The following IL1R1 variants were observed in gnomAD, a reference collection of about 807,000 sequenced individuals.
The protein encoded by IL1R1 is interleukin-1 receptor type 1.
In IL1R1, 22 loss-of-function variants were observed where a neutral mutation model predicts 50.2. That is an observed-to-expected ratio of 0.44 (90% CI 0.31 to 0.63). IL1R1 has a LOEUF of 0.63. Ranked by LOEUF, IL1R1 falls within the 20% of genes least tolerant of loss-of-function variation. The probability of loss-of-function intolerance (pLI) is 0.07; values close to 1 mark genes in which losing one functional copy is unlikely to be tolerated. For missense variants in IL1R1, 509 were observed against 676.2 expected (o/e 0.75, Z 2.74); for synonymous variants, 251 against 236.7 (o/e 1.06, Z -0.55).
rs201216211 is a variant in IL1R1 at position 102,168,711 on chromosome 2, A to T, written c.721+48A>T. 801 of 1,153,946 alleles carry T rather than the reference A, an allele frequency of 6.9e-4. 4 individuals carry two copies. Among genetic ancestry groups the T allele is most frequent in the East Asian group, 6.0e-3 (234 of 38,808 alleles). 71.5% of individuals were successfully genotyped at this position (1,153,946 alleles called of 1,614,324 possible). Reference sequence around the variant, plus strand: ...ATGCTGGAATCGGTTTTTTTTTTTTAAAACATAAGAGTAAGATAAATTGTA... The same window carrying T: ...ATGCTGGAATCGGTTTTTTTTTTTTTAAACATAAGAGTAAGATAAATTGTA... On this transcript the variant is annotated intron_variant, in intron 7 of 11. Transcript: ENST00000410023.
chr2:102,105,554 T>C (rs1006978987), intron 1 of IL1R1, among the ~76,000 whole-genome samples: 1 of 152,032 alleles, frequency 6.6e-6, no homozygotes, highest in Non-Finnish European at 1.5e-5. Flanking sequence ...TTAGTAGAGA[T>C]GGGTTTTCAC....
chr2:102,177,136 C>T lies in IL1R1; in HGVS notation c.*377C>T. On this transcript the variant is annotated 3_prime_UTR_variant, in exon 12 of 12. Transcript: ENST00000410023. ...CAAAAATGAGCTAGGCATGGTGGCACACGCCTGTAATCCCAGCTACACCTG... is the reference window on the plus strand; with the variant it reads ...CAAAAATGAGCTAGGCATGGTGGCATACGCCTGTAATCCCAGCTACACCTG... The T allele has an allele frequency of 4.6e-6, 1 of 217,818 alleles. No homozygotes were observed. The highest frequency in any genetic ancestry group is 9.5e-6 in the Non-Finnish European group (1 of 105,730). The allele number at this position is 217,818 out of a possible 1,614,324, so 13.5% of individuals were successfully genotyped here.
intron 1 of IL1R1, among the ~76,000 whole-genome samples, chr2:102,079,850 A>G (rs964525651): frequency 1.4e-4 from 22 of 152,192 alleles, no homozygotes; most frequent in African/African-American, 5.3e-4. Flanking sequence ...CTACAAAGCA[A>G]CGGTATCCAA....
At chr2:102,156,950 G>A in intron 2 of IL1R1, among the ~76,000 whole-genome samples, 1 of 152,100 alleles carries the variant, frequency 6.6e-6, no homozygotes, top group East Asian at 1.9e-4. Flanking sequence ...TAAGAATATA[G>A]GCAAATTTAA....
chr2:102,117,125 G>A (rs12712129), intron 1 of IL1R1, among the ~76,000 whole-genome samples: 35,643 of 152,086 alleles, frequency 0.23, 6,293 homozygotes, highest in African/African-American at 0.49. Flanking sequence ...TCATCAAACC[G>A]CATGTCCAAT....
At chr2:102,165,332 A>G in intron 5 of IL1R1, 28 bp downstream of exon 5, 1 of 1,285,310 alleles carries the variant, frequency 7.8e-7, no homozygotes, top group East Asian at 2.4e-5. Context: ...ATGACATTTC[A>G]CTTTTCCAGA....
chr2:102,101,695 C>A (rs1165448133), upstream of IL1R1, among the ~76,000 whole-genome samples: 1 of 152,152 alleles, frequency 6.6e-6, no homozygotes, highest in African/African-American at 2.4e-5. Context: ...TTATTTCTGA[C>A]CTTTTATGTA....
At chr2:102,074,057 G>T (rs1005412371) in intron 1 of IL1R1, among the ~76,000 whole-genome samples, 6 of 152,176 alleles carry the variant, frequency 3.9e-5, no homozygotes, top group African/African-American at 1.4e-4. Flanking sequence ...GTGATGAGCA[G>T]CACGTGGTCT....
chr2:102,106,098 A>C (rs1680394187), intron 1 of IL1R1, among the ~76,000 whole-genome samples: 1 of 152,190 alleles, frequency 6.6e-6, no homozygotes, highest in Admixed American at 6.5e-5. Flanking sequence ...GCAAAATGTG[A>C]ATTTTTCGCT....
chr2:102,073,021 C>G (rs936713616), intron 1 of IL1R1, among the ~76,000 whole-genome samples: 3 of 152,124 alleles, frequency 2.0e-5, no homozygotes, highest in Admixed American at 1.3e-4. Context: ...TACCATGATG[C>G]CTTTTCCCTG....
chr2:102,105,745 G>A (rs1041122580), intron 1 of IL1R1, among the ~76,000 whole-genome samples: 3 of 152,232 alleles, frequency 2.0e-5, no homozygotes, highest in Middle Eastern at 3.4e-3. Context: ...ACTTGTACAC[G>A]CTTTCTTCAA....
intron 1 of IL1R1, among the ~76,000 whole-genome samples, chr2:102,072,471 A>G (rs907325039): frequency 3.3e-5 from 5 of 152,202 alleles, no homozygotes; most frequent in Non-Finnish European, 7.4e-5. Context: ...ACTTACTGGA[A>G]TATTAGAAAT....
chr2:102,140,065 G>A (rs1682558633), upstream of IL1R1, among the ~76,000 whole-genome samples: 1 of 152,074 alleles, frequency 6.6e-6, no homozygotes, highest in African/African-American at 2.4e-5. Flanking sequence ...TCCTTGGAGT[G>A]GGAACAAAAA....
chr2:102,156,442 G>A (rs1021648491), intron 2 of IL1R1, among the ~76,000 whole-genome samples: 8 of 152,010 alleles, frequency 5.3e-5, no homozygotes, highest in Non-Finnish European at 1.2e-4. Context: ...GGTATGTCTC[G>A]CATGGTTAGA....
chr2:102,164,598 G>C (rs1191057268), intron 3 of IL1R1, among the ~76,000 whole-genome samples, 176 bp from the exon 4 acceptor site: 1 of 152,100 alleles, frequency 6.6e-6, no homozygotes, highest in Non-Finnish European at 1.5e-5. Flanking sequence ...GATGCAGCTG[G>C]ACTTGAATAT....
At chr2:102,088,543 T>A (rs993422032) in intron 1 of IL1R1, among the ~76,000 whole-genome samples, 1 of 152,050 alleles carries the variant, frequency 6.6e-6, no homozygotes, top group Admixed American at 6.6e-5. Context: ...ATAGGTAGAG[T>A]AGATGTAGCC....
intron 1 of IL1R1, among the ~76,000 whole-genome samples, chr2:102,145,556 A>G (rs942687596): frequency 2.0e-5 from 3 of 152,230 alleles, no homozygotes; most frequent in Non-Finnish European, 4.4e-5. Context: ...ATCACTTCCC[A>G]AGAGGACTCA....
chr2:102,115,029 T>A (rs1235897428), intron 1 of IL1R1, among the ~76,000 whole-genome samples: 1 of 152,210 alleles, frequency 6.6e-6, no homozygotes, highest in Non-Finnish European at 1.5e-5. Context: ...TTACTCTTTG[T>A]CATCTAGGCC....
chr2:102,110,360 C>T (rs1680681760), intron 1 of IL1R1, among the ~76,000 whole-genome samples: 2 of 152,060 alleles, frequency 1.3e-5, no homozygotes. Context: ...GGTTAAATTC[C>T]TGGAAGCAGA....
Sources: allele counts gnomAD v4.1 joint callset (sites outside exome capture counted in the v4.1 genomes callset), GRCh38; gene constraint gnomAD v4.1.1; transcripts MANE v1.5; gene names NCBI Gene and HGNC (gene_info 2026-07-23, HGNC 2026-07-21).